The following LRRK1 variants were observed in gnomAD, a reference collection of about 807,000 sequenced individuals.
LRRK1 encodes the protein leucine-rich repeat serine/threonine-protein kinase 1.
A neutral mutation model predicts 209.1 loss-of-function variants in LRRK1; 113 were observed. That is an observed-to-expected ratio of 0.54 (90% CI 0.46 to 0.63). LRRK1 has a LOEUF of 0.63. LRRK1 is among the 30% of genes least tolerant of loss of function. LRRK1 has a pLI of 0.00. For synonymous variants in LRRK1, 1,144 were observed against 1,099.7 expected, an observed-to-expected ratio of 1.04 and a Z score of -0.80; for missense variants, 2,284 against 2,632.2, an observed-to-expected ratio of 0.87 and a Z score of 2.89.
At chr15:100,964,645 A>G (rs1474469088) in intron 2 of LRRK1, among the ~76,000 whole-genome samples, 1 of 152,262 alleles carries the variant, frequency 6.6e-6, no homozygotes, top group African/African-American at 2.4e-5. Flanking sequence ...GGCAAATGCA[A>G]TAAAATAAAG....
intron 31 of LRRK1, among the ~76,000 whole-genome samples, chr15:101,063,397 C>G (rs751785226): frequency 6.6e-6 from 1 of 152,188 alleles, no homozygotes; most frequent in East Asian, 1.9e-4. Flanking sequence ...AGCCCCTCCA[C>G]GCACCTCTTC....
At chr15:101,033,395 A>G (rs922669158) in intron 20 of LRRK1, among the ~76,000 whole-genome samples, 2 of 152,106 alleles carry the variant, frequency 1.3e-5, no homozygotes, top group African/African-American at 4.8e-5. Flanking sequence ...GTATGTCTGT[A>G]CCCATTCACC....
At position 101,065,905 on chromosome 15, in the gene LRRK1, A is replaced by T; in HGVS notation, c.5468A>T (p.Glu1823Val). The T allele has an allele frequency of 6.2e-7, 1 of 1,614,114 alleles. No homozygotes were observed. The highest frequency in any genetic ancestry group is 8.5e-7 in the Non-Finnish European group (1 of 1,180,018). ...GACGTGAGCATCATGTACAGTGAGG[A>T]GCTGGGCACGCAGATCCTGATCCAC... ...IADVSIMYSE[E>V]LGTQILIHQE... The change falls in exon 32 of 34, where the codon GAG becomes GTG. Residue 1823 changes from glutamate to valine, a missense_variant. Physicochemically the swap from Glu to Val is moderately radical, Grantham distance 121. This residue lies in a region of LRRK1 where 643 missense variants were observed against 695.9 expected (regional missense o/e 0.92). Coordinates refer to ENST00000388948, the MANE Select transcript of LRRK1 (RefSeq NM_024652.6).
chr15:100,935,357 A>C (rs547654223), intron 2 of LRRK1, among the ~76,000 whole-genome samples: 1 of 152,298 alleles, frequency 6.6e-6, no homozygotes, highest in South Asian at 2.1e-4. Flanking sequence ...GAGCTGGGGA[A>C]ATGGTGCTCC....
At chr15:101,055,249 G>A in intron 27 of LRRK1, 26 bp downstream of exon 27, 1 of 1,522,274 alleles carries the variant, frequency 6.6e-7, no homozygotes, top group South Asian at 1.3e-5. Context: ...CCCTGGCCCA[G>A]CCCCACAGTG....
At chr15:100,939,781 G>A (rs1261711469) in intron 2 of LRRK1, among the ~76,000 whole-genome samples, 2 of 152,112 alleles carry the variant, frequency 1.3e-5, no homozygotes, top group African/African-American at 4.8e-5. Context: ...AGCAAAGTCG[G>A]GGTAAATAGT....
At chr15:101,032,020 C>T (rs910183946) in intron 20 of LRRK1, among the ~76,000 whole-genome samples, 2 of 152,220 alleles carry the variant, frequency 1.3e-5, no homozygotes, top group Non-Finnish European at 2.9e-5. Context: ...AGGGGTGAGC[C>T]ACTGCGCCGG....
intron 20 of LRRK1, among the ~76,000 whole-genome samples, chr15:101,029,765 G>C (rs1048588038): frequency 1.3e-5 from 2 of 152,180 alleles, no homozygotes; most frequent in African/African-American, 4.8e-5. Context: ...CTACTTGGGA[G>C]ACTGAAGCAG....
intron 21 of LRRK1, among the ~76,000 whole-genome samples, chr15:101,047,462 C>G (rs557034527): frequency 2.0e-5 from 3 of 152,352 alleles, no homozygotes; most frequent in Admixed American, 2.0e-4. Flanking sequence ...TCGTGGGAGG[C>G]TGAGCTGACA....
intron 11 of LRRK1, among the ~76,000 whole-genome samples, chr15:101,014,721 T>G (rs551350995): frequency 7.9e-5 from 12 of 152,300 alleles, no homozygotes; most frequent in African/African-American, 2.2e-4. Flanking sequence ...AATCTCCTCT[T>G]CTTATAAGGA....
chr15:101,049,596 C>A (rs201469343), intron 22 of LRRK1, 48 bp from the exon 23 acceptor site: 104 of 1,592,040 alleles, frequency 6.5e-5, no homozygotes, highest in Non-Finnish European at 8.4e-5. Flanking sequence ...ATCCCAGGGT[C>A]CCCCAGAGCC....
intron 22 of LRRK1, 33 bp from the exon 23 acceptor site, chr15:101,049,611 C>T (rs370973137): frequency 3.3e-5 from 53 of 1,606,066 alleles, no homozygotes; most frequent in African/African-American, 6.7e-5. Flanking sequence ...AGAGCCAGAT[C>T]GCAATGGGCT....
At chr15:101,052,403 C>T (rs1009704389) in intron 24 of LRRK1, among the ~76,000 whole-genome samples, 9 of 103,902 alleles carry the variant, frequency 8.7e-5, no homozygotes, top group African/African-American at 1.4e-4. Context: ...CTTTGTCAAA[C>T]GCTGACTCCT....
At chr15:101,063,503 G>A (rs978642840) in intron 31 of LRRK1, among the ~76,000 whole-genome samples, 2 of 152,186 alleles carry the variant, frequency 1.3e-5, no homozygotes, top group Non-Finnish European at 2.9e-5. Flanking sequence ...GGCTTTTCCG[G>A]GCTCCTCCGC....
At position 101,026,016 on chromosome 15, in the gene LRRK1, A is replaced by T. The variant is rs896287484; in HGVS notation, c.2284A>T (p.Ile762Phe). Residue 762 changes from isoleucine (I) to phenylalanine (F), a missense_variant, in exon 17 of 34, where the codon ATT (isoleucine) becomes TTT (phenylalanine). Around this residue, in one of 6 missense-constraint regions of LRRK1, gnomAD observed 780 missense variants for 985.2 expected, o/e 0.79. Transcript: ENST00000388948. ...VLVVGTHLDL[I>F]EAKFRVERIA... Reference sequence around the variant, plus strand: ...GGTGGTCGGGACGCACCTGGATTTAATTGAAGCCAAGTTCCGTGTGGAAAG... The same window carrying T: ...GGTGGTCGGGACGCACCTGGATTTATTTGAAGCCAAGTTCCGTGTGGAAAG... The T allele has an allele frequency of 6.2e-7, 1 of 1,614,132 alleles. No homozygotes were observed. Among genetic ancestry groups the T allele is most frequent in the Non-Finnish European group, 8.5e-7 (1 of 1,180,056 alleles).
chr15:101,048,415 GC>G, intron 21 of LRRK1, 78 bp from the exon 22 acceptor site: 1 of 1,327,938 alleles, frequency 7.5e-7, no homozygotes, highest in Non-Finnish European at 1.0e-6. Context: ...ATGGGGCCCA[GC>G]CCGGCCTCTG....
chr15:101,010,408 C>T (rs751487710), intron 7 of LRRK1, 42 bp from the exon 8 acceptor site: 3 of 1,569,952 alleles, frequency 1.9e-6, no homozygotes, highest in Non-Finnish European at 1.7e-6. Flanking sequence ...TGGTGTTTTC[C>T]CTCTTTATTC....
At chr15:101,041,783 T>A (rs1358087730) in intron 20 of LRRK1, among the ~76,000 whole-genome samples, 1 of 152,210 alleles carries the variant, frequency 6.6e-6, no homozygotes. Context: ...GCCCTACATA[T>A]ACTATGCCTT....
intron 17 of LRRK1, 63 bp downstream of exon 17, chr15:101,026,200 G>A (rs1328222289): frequency 1.3e-6 from 2 of 1,513,730 alleles, no homozygotes; most frequent in East Asian, 4.6e-5. Flanking sequence ...ATCTTTCCTG[G>A]GATCAGCTTG....
Sources: gnomAD v4.1 joint callset for allele counts (sites outside exome capture counted in the v4.1 genomes callset) on GRCh38, gnomAD v4.1.1 for gene constraint, gnomAD v4.1.1 regional missense constraint, MANE v1.5 for transcripts, NCBI Gene and HGNC (gene_info 2026-07-23, HGNC 2026-07-21) for gene names.